Variants in SLC44A5 observed in about 807,000 individuals in gnomAD.
The protein encoded by SLC44A5 is solute carrier family 44 member 5, also known as choline transporter-like protein 5.
A neutral mutation model predicts 101.8 loss-of-function variants in SLC44A5; 57 were observed. The ratio of observed to expected loss-of-function variants is 0.56; its 90% CI spans 0.45 to 0.70. SLC44A5 has a LOEUF of 0.70. Ranked by LOEUF, SLC44A5 falls within the 30% of genes least tolerant of loss-of-function variation. The pLI is 0.00. For missense variants in SLC44A5, 737 were observed against 853.1 expected (o/e 0.86, Z 1.70); for synonymous variants, 281 against 290.9 (o/e 0.97, Z 0.35).
intron 2 of SLC44A5, among the ~76,000 whole-genome samples, chr1:75,478,494 A>G (rs1443561448): frequency 6.6e-6 from 1 of 152,194 alleles, no homozygotes; most frequent in Non-Finnish European, 1.5e-5. Context: ...AGTGTGCTGT[A>G]TTCAGGAAAC....
At chr1:75,569,123 A>C (rs1204991466) in intron 1 of SLC44A5, among the ~76,000 whole-genome samples, 1 of 151,934 alleles carries the variant, frequency 6.6e-6, no homozygotes, top group African/African-American at 2.4e-5. Context: ...CTTTATCTTC[A>C]AATTGACTTC....
rs551750095 is a variant in SLC44A5, at chr1:75,475,412, C to T, written c.13+66023G>A. On this transcript the variant is annotated intron_variant, in intron 2 of 23. Transcript: ENST00000370859. ...TTGGGAAGAACCAACCCTCAATTAG[C>T]GATTGAGTTTAAACTCCTCTGAACA... is the stretch of plus-strand genomic sequence containing the variant. Among the ~76,000 whole-genome samples the T allele has an allele frequency of 1.1e-4, 16 of 152,314 alleles. No homozygotes were observed. The South Asian group carries it at 2.9e-3, about 28-fold the overall frequency.
intron 1 of SLC44A5, among the ~76,000 whole-genome samples, chr1:75,573,726 C>G (rs1673211085): frequency 1.3e-5 from 2 of 151,916 alleles, no homozygotes; most frequent in Non-Finnish European, 2.9e-5. Flanking sequence ...CAAGTAGAAG[C>G]TACTCCAGTA....
At chr1:75,608,469 C>T (rs968283653) in intron 1 of SLC44A5, among the ~76,000 whole-genome samples, 48 of 151,782 alleles carry the variant, frequency 3.2e-4, no homozygotes, top group Admixed American at 1.8e-3. Flanking sequence ...CATATTGGCT[C>T]GATATTCTCA....
the SLC44A5 span, among the ~76,000 whole-genome samples, chr1:75,656,850 C>A: frequency 1.1e-4 from 17 of 152,104 alleles, no homozygotes; most frequent in Non-Finnish European, 2.5e-4. Context: ...ACTAAATTCT[C>A]CAATTGAAAG....
Position 75,471,125 on chromosome 1 carries a change from G to A in SLC44A5, c.13+70310C>T, listed in dbSNP as rs1667084375. On this transcript the variant is annotated intron_variant, in intron 2 of 23. Transcript: ENST00000370859. Reference sequence around the variant, plus strand: ...AGTATTTTCTCAGTGATTCGTTGAAGATCTATTTTTTAACCTTTTTTTTAC... The same window carrying A: ...AGTATTTTCTCAGTGATTCGTTGAAAATCTATTTTTTAACCTTTTTTTTAC... Among the ~76,000 whole-genome samples, 5 of 152,100 alleles carry A rather than the reference G, an allele frequency of 3.3e-5. No individual in the cohort carries two copies. In the South Asian group the frequency reaches 1.0e-3, roughly 31 times the overall value.
At chr1:75,234,935 T>C (rs561568643) in intron 11 of SLC44A5, among the ~76,000 whole-genome samples, 55 of 152,224 alleles carry the variant, frequency 3.6e-4, no homozygotes, top group African/African-American at 1.3e-3. Flanking sequence ...CTGACTGTTC[T>C]ATTAAGAACT....
rs1337625021 is a variant in SLC44A5 at position 75,300,650 on chromosome 1, A to G, written c.137T>C (p.Leu46Pro). ...CTDVLCCMIFLLCIIGYIVLG... is the reference protein window; with the variant it reads ...CTDVLCCMIFPLCIIGYIVLG... ...AACAATGTAGCCAATAATACACAGT[A>G]GGAAGATCATACAGCACAGAACATC... The change falls in exon 5 of 24, where the codon CTA becomes CCA. Residue 46 changes from leucine (L) to proline (P), a missense_variant. Physicochemically the swap from Leu to Pro is moderately conservative, Grantham distance 98. Transcript: ENST00000370859. The G allele has an allele frequency of 6.2e-7, 1 of 1,607,108 alleles. No homozygotes were observed. The highest frequency in any genetic ancestry group is 1.3e-5 in the African/African-American group (1 of 74,694).
chr1:75,237,756 C>T (rs1472632355), intron 10 of SLC44A5, among the ~76,000 whole-genome samples: 1 of 152,038 alleles, frequency 6.6e-6, no homozygotes, highest in African/African-American at 2.4e-5. Context: ...ACTTCTTTTA[C>T]ACAGATTTAT....
chr1:75,222,211 C>T (rs1647100181), intron 14 of SLC44A5, 150 bp downstream of exon 14: 2 of 600,764 alleles, frequency 3.3e-6, no homozygotes, highest in Admixed American at 2.8e-5. Flanking sequence ...CTGCCTCGGC[C>T]TCCCAAAGTG....
the SLC44A5 span, among the ~76,000 whole-genome samples, chr1:75,686,551 G>A: frequency 4.6e-5 from 7 of 152,198 alleles, no homozygotes; most frequent in Non-Finnish European, 7.3e-5. Flanking sequence ...TAAGGAATGA[G>A]GTCAAAGAGG....
At chr1:75,499,037 T>C (rs1049139326) in intron 2 of SLC44A5, among the ~76,000 whole-genome samples, 3 of 152,350 alleles carry the variant, frequency 2.0e-5, no homozygotes, top group East Asian at 3.9e-4. Context: ...TACCACAGTG[T>C]CCTAGTTAGC....
chr1:75,539,664 C>G (rs1420246284), intron 2 of SLC44A5, among the ~76,000 whole-genome samples: 4 of 152,010 alleles, frequency 2.6e-5, no homozygotes, highest in African/African-American at 7.3e-5. Context: ...TGAGTAATGG[C>G]TCAAGCCCAA....
At chr1:75,376,616 G>C (rs939381997) in intron 3 of SLC44A5, among the ~76,000 whole-genome samples, 4 of 151,766 alleles carry the variant, frequency 2.6e-5, no homozygotes, top group Non-Finnish European at 5.9e-5. Context: ...TGCAGCTGAG[G>C]GTCCTGTCTG....
intron 1 of SLC44A5, among the ~76,000 whole-genome samples, chr1:75,556,476 GC>G (rs1672221699): frequency 6.6e-6 from 1 of 152,076 alleles, no homozygotes; most frequent in South Asian, 2.1e-4. Flanking sequence ...ATATTGGCAA[GC>G]CCCCACTGAG....
chr1:75,409,735 C>A (rs1663150852), intron 2 of SLC44A5, among the ~76,000 whole-genome samples: 2 of 151,394 alleles, frequency 1.3e-5, no homozygotes, highest in African/African-American at 4.9e-5. Flanking sequence ...CAAAATATAC[C>A]CAATGGTATC....
intron 23 of SLC44A5, chr1:75,205,550 C>T (rs1023039841): frequency 1.3e-5 from 2 of 152,178 alleles, no homozygotes; most frequent in South Asian, 4.1e-4. Flanking sequence ...TGGCAGGTGG[C>T]AACAACTTTC....
intron 2 of SLC44A5, among the ~76,000 whole-genome samples, chr1:75,439,408 A>T (rs558455085): frequency 6.6e-6 from 1 of 152,132 alleles, no homozygotes. Flanking sequence ...AATTAAAAAC[A>T]TTATTGTTGA....
At chr1:75,253,062 A>G (rs1218345885) in intron 6 of SLC44A5, among the ~76,000 whole-genome samples, 1 of 152,222 alleles carries the variant, frequency 6.6e-6, no homozygotes, top group Admixed American at 6.5e-5. Flanking sequence ...TGTCCGAGCC[A>G]CAGTGACAAC....
Sources: gnomAD v4.1 joint callset for allele counts (sites outside exome capture counted in the v4.1 genomes callset) on GRCh38, gnomAD v4.1.1 for gene constraint, MANE v1.5 for transcripts, NCBI Gene and HGNC (gene_info 2026-07-23, HGNC 2026-07-21) for gene names.